Variants in LIMCH1 observed in about 807,000 individuals in gnomAD.
LIMCH1 encodes LIM and calponin homology domains-containing protein 1.
In LIMCH1, 113 loss-of-function variants were observed where a neutral mutation model predicts 176.5. The observed-to-expected ratio is 0.64, with a 90% CI of 0.55 to 0.75. The LOEUF (loss-of-function observed/expected upper bound fraction) is 0.75. Ranked by LOEUF, LIMCH1 falls within the 30% of genes least tolerant of loss-of-function variation. The probability of loss-of-function intolerance (pLI) is 0.00; values close to 1 mark genes in which losing one functional copy is unlikely to be tolerated. For missense variants in LIMCH1, 1,674 were observed against 1,814.9 expected (o/e 0.92, Z 1.41); for synonymous variants, 619 against 645.9 (o/e 0.96, Z 0.63).
chr4:41,632,340 A>G (rs372790566), intron 10 of LIMCH1, among the ~76,000 whole-genome samples: 62 of 152,250 alleles, frequency 4.1e-4, no homozygotes, highest in African/African-American at 1.4e-3. Flanking sequence ...CCTATGACCT[A>G]TAGAAGGGTT....
intron 1 of LIMCH1, among the ~76,000 whole-genome samples, chr4:41,492,909 G>A (rs2071352383): frequency 6.6e-6 from 1 of 151,896 alleles, no homozygotes. Flanking sequence ...TTCTTTGTCT[G>A]ATATATAGTT....
chr4:41,542,985 C>G (rs28590492), intron 1 of LIMCH1, among the ~76,000 whole-genome samples: 49 of 152,306 alleles, frequency 3.2e-4, no homozygotes, highest in African/African-American at 1.1e-3. Flanking sequence ...TGTTCACTTT[C>G]AAGAAATAAG....
rs1731478496 is a variant in LIMCH1 at position 41,697,455 on chromosome 4, G to A, written c.*270G>A. The A allele has an allele frequency of 2.5e-6, 1 of 407,450 alleles. No individual in the cohort carries two copies. Among genetic ancestry groups the A allele is most frequent in the Non-Finnish European group, 4.3e-6 (1 of 230,240 alleles). The allele number at this position is 407,450 out of a possible 1,614,324, so 25.2% of individuals were successfully genotyped here. A position where few individuals can be genotyped will look rare whatever the true frequency, so the allele number is the denominator to read the frequency against. The stretch of plus-strand genomic sequence containing the variant: ...CCTGAATAGCTCAAAAAAGGTTTTA[G>A]CATGGTCAAACAGGCTTATGGTTTA... On this transcript the variant is annotated 3_prime_UTR_variant, in exon 32 of 32. Coordinates refer to ENST00000503057, the MANE Select transcript of LIMCH1 (RefSeq NM_001330672.2).
chr4:41,465,337 A>C (rs1045264364), intron 1 of LIMCH1, among the ~76,000 whole-genome samples: 1 of 152,128 alleles, frequency 6.6e-6, no homozygotes, highest in Non-Finnish European at 1.5e-5. Context: ...CTCTGAACTC[A>C]TCAAGTGGTG....
In LIMCH1 at chr4:41,515,271, C is replaced by T. The variant is rs140269330; in HGVS notation, c.168-9138C>T. Among the ~76,000 whole-genome samples the T allele has an allele frequency of 9.1e-4, 139 of 152,344 alleles. No individual in the cohort carries two copies. In the Middle Eastern group the frequency reaches 0.024, roughly 26 times the overall value. On this transcript the variant is annotated intron_variant, in intron 2 of 26. Transcript: ENST00000313860. Reference sequence around the variant, plus strand: ...GAGCTTCTTTCTGCCTTTCCTTTGTCGGCATCCTCCCTTCCTTCCTCCGCG... The same window carrying T: ...GAGCTTCTTTCTGCCTTTCCTTTGTTGGCATCCTCCCTTCCTTCCTCCGCG...
chr4:41,612,828 T>A, intron 4 of LIMCH1: 1 of 1,230,662 alleles, frequency 8.1e-7, no homozygotes, highest in Non-Finnish European at 1.1e-6. Context: ...GGAAAAGCGT[T>A]TTGCATATTT....
intron 1 of LIMCH1, among the ~76,000 whole-genome samples, chr4:41,448,328 A>AT (rs1227206114): frequency 2.0e-5 from 3 of 152,258 alleles, no homozygotes; most frequent in Admixed American, 2.0e-4. Context: ...TGACTGGTTG[A>AT]GGCTAGGGTG....
intron 1 of LIMCH1, among the ~76,000 whole-genome samples, chr4:41,586,321 A>C (rs1417040476): frequency 6.6e-6 from 1 of 151,856 alleles, no homozygotes; most frequent in East Asian, 1.9e-4. Context: ...TGTTGCCTGC[A>C]CTGGTCTGAA....
At chr4:41,664,632 C>T (rs917925556) in intron 20 of LIMCH1, among the ~76,000 whole-genome samples, 1 of 152,118 alleles carries the variant, frequency 6.6e-6, no homozygotes, top group African/African-American at 2.4e-5. Flanking sequence ...TTGCTTTTCC[C>T]ACTTAAATCT....
At chr4:41,598,292 T>C (rs946704553) in intron 1 of LIMCH1, among the ~76,000 whole-genome samples, 1 of 152,208 alleles carries the variant, frequency 6.6e-6, no homozygotes, top group South Asian at 2.1e-4. Flanking sequence ...TAAATTTGTA[T>C]CTGCTAGAGA....
intron 18 of LIMCH1, among the ~76,000 whole-genome samples, chr4:41,651,679 G>A (rs796263094): frequency 7.2e-5 from 11 of 151,876 alleles, no homozygotes; most frequent in African/African-American, 1.5e-4. Flanking sequence ...TTCCATCCCC[G>A]GCGATGTATA....
intron 1 of LIMCH1, among the ~76,000 whole-genome samples, chr4:41,476,271 A>G (rs1049523757): frequency 2.6e-5 from 4 of 152,362 alleles, no homozygotes; most frequent in Admixed American, 2.0e-4. Flanking sequence ...CTCACCTATT[A>G]GTTTCATAAA....
In LIMCH1 at chr4:41,626,920, G is replaced by A. The variant is rs932727399; in HGVS notation, c.938G>A (p.Gly313Asp). The A allele has an allele frequency of 5.9e-6, 9 of 1,535,878 alleles. No individual in the cohort carries two copies. Among genetic ancestry groups the A allele is most frequent in the Non-Finnish European group, 7.8e-6 (9 of 1,146,918 alleles). Reference sequence around the variant, plus strand: ...GTGCCATTAAATCAACTCCTCTATGGCCCTTATCCAAAGAAAGGGGCAGAG... The same window carrying A: ...GTGCCATTAAATCAACTCCTCTATGACCCTTATCCAAAGAAAGGGGCAGAG... ...PMVPLNQLLYGPYPKKGAEKS... is the reference protein window; with the variant it reads ...PMVPLNQLLYDPYPKKGAEKS... The change falls in exon 8 of 32, where the codon GGC becomes GAC. Residue 313 changes from glycine to aspartate, a missense_variant. Gly to Asp is a moderately conservative substitution (Grantham distance 94). Coordinates refer to ENST00000503057, the MANE Select transcript of LIMCH1 (RefSeq NM_001330672.2).
chr4:41,648,329 T>C (rs2094146830), intron 17 of LIMCH1, among the ~76,000 whole-genome samples: 1 of 152,222 alleles, frequency 6.6e-6, no homozygotes, highest in South Asian at 2.1e-4. Context: ...AATGATTTTA[T>C]GGCAGAACTT....
At chr4:41,599,292 T>C (rs185380884) in intron 2 of LIMCH1, among the ~76,000 whole-genome samples, 16 of 152,318 alleles carry the variant, frequency 1.1e-4, no homozygotes, top group African/African-American at 3.6e-4. Context: ...TAAGTAAAGA[T>C]TAACAGAGAG....
intron 1 of LIMCH1, among the ~76,000 whole-genome samples, chr4:41,592,526 T>C (rs1458141650): frequency 6.6e-6 from 1 of 152,198 alleles, no homozygotes; most frequent in Non-Finnish European, 1.5e-5. Flanking sequence ...GTGTGCCTGT[T>C]TTTCATAAAT....
intron 1 of LIMCH1, among the ~76,000 whole-genome samples, chr4:41,427,324 C>T (rs554136288): frequency 6.6e-6 from 1 of 152,252 alleles, no homozygotes; most frequent in African/African-American, 2.4e-5. Context: ...GTTTTAAGTA[C>T]CCCATAAAAT....
intron 2 of LIMCH1, among the ~76,000 whole-genome samples, chr4:41,512,170 C>T (rs2075008534): frequency 6.6e-6 from 1 of 152,172 alleles, no homozygotes. Context: ...CGTTGTTAGT[C>T]TTGAGAGAAA....
intron 20 of LIMCH1, 152 bp downstream of exon 20, chr4:41,663,136 TGTGTG>T: frequency 5.8e-6 from 1 of 172,164 alleles, no homozygotes; most frequent in South Asian, 7.0e-5. Flanking sequence ...TTCTTTTTCG[TGTGTG>T]TGTGTGTGTG....
Sources: gnomAD v4.1 joint callset for allele counts (sites outside exome capture counted in the v4.1 genomes callset) on GRCh38, gnomAD v4.1.1 for gene constraint, MANE v1.5 for transcripts, NCBI Gene and HGNC (gene_info 2026-07-23, HGNC 2026-07-21) for gene names.